Variants in SLC26A7 observed in about 807,000 individuals in gnomAD.
SLC26A7 encodes anion exchange transporter.
SLC26A7 carries 59 observed loss-of-function variants against 82.5 expected under a neutral mutation model. That is an observed-to-expected ratio of 0.72 (90% CI 0.58 to 0.89). SLC26A7 has a LOEUF of 0.89. Among genes scored for constraint, SLC26A7 ranks in the 40% least tolerant of loss-of-function variants. The pLI is 0.00. For missense variants in SLC26A7, 820 were observed against 793.0 expected, an observed-to-expected ratio of 1.03 and a Z score of -0.41; for synonymous variants, 271 against 274.3, an observed-to-expected ratio of 0.99 and a Z score of 0.12.
At chr8:91,216,414 C>G (rs994907340) in intron 1 of SLC26A7, among the ~76,000 whole-genome samples, 5 of 152,152 alleles carry the variant, frequency 3.3e-5, no homozygotes, top group African/African-American at 1.2e-4. Context: ...AGAAACTGGA[C>G]AAAGCAAATC....
intron 5 of SLC26A7, among the ~76,000 whole-genome samples, chr8:91,325,834 G>A (rs1033289477): frequency 1.3e-5 from 2 of 152,264 alleles, no homozygotes; most frequent in Middle Eastern, 3.4e-3. Flanking sequence ...CTAGGGTTGA[G>A]GGGACCTGTG....
intron 4 of SLC26A7, among the ~76,000 whole-genome samples, chr8:91,300,744 T>C (rs1443180551): frequency 6.6e-6 from 1 of 152,238 alleles, no homozygotes; most frequent in Non-Finnish European, 1.5e-5. Context: ...GTGATTTCTC[T>C]AATCCAATTG....
intron 14 of SLC26A7, among the ~76,000 whole-genome samples, chr8:91,369,422 T>C (rs1814291468): frequency 6.6e-6 from 1 of 151,694 alleles, no homozygotes; most frequent in Non-Finnish European, 1.5e-5. Context: ...ATATGATCAG[T>C]GGTTCTCTCT....
intron 2 of SLC26A7, among the ~76,000 whole-genome samples, chr8:91,278,920 C>T (rs1811479683): frequency 6.6e-6 from 1 of 151,770 alleles, no homozygotes; most frequent in Non-Finnish European, 1.5e-5. Flanking sequence ...CCCGACCCAC[C>T]TTAGCTTCTG....
chr8:91,354,236 G>A (rs985565455), intron 11 of SLC26A7, among the ~76,000 whole-genome samples: 1 of 152,140 alleles, frequency 6.6e-6, no homozygotes, highest in Non-Finnish European at 1.5e-5. Context: ...ATAGGAGGCA[G>A]CATGTTACCA....
In SLC26A7 at chr8:91,340,495, C is replaced by G; in HGVS notation, c.970C>G (p.Leu324Val). The G allele has an allele frequency of 6.2e-7, 1 of 1,613,972 alleles. No individual in the cohort carries two copies. Among genetic ancestry groups the G allele is most frequent in the African/African-American group, 1.3e-5 (1 of 75,002 alleles). Residue 324 changes from leucine to valine, a missense_variant, in exon 8 of 19, where the codon CTG becomes GTG. By Grantham distance (32) the Leu-to-Val change is conservative. Coordinates refer to ENST00000276609, the MANE Select transcript of SLC26A7 (RefSeq NM_052832.4). Reference protein sequence around the residue: ...GVALVGYVASLALAQGSAKKF... With the variant: ...GVALVGYVASVALAQGSAKKF... ...GGCACTTGTAGGCTATGTGGCCTCA[C>G]TGGCTCTTGCTCAAGGATCTGCCAA...
chr8:91,288,930 C>T (rs1266393360), intron 2 of SLC26A7, among the ~76,000 whole-genome samples: 1 of 152,080 alleles, frequency 6.6e-6, no homozygotes, highest in Non-Finnish European at 1.5e-5. Context: ...AAGCATTAGT[C>T]CAAAAATAAT....
At chr8:91,381,069 A>T (rs1216994149) in intron 15 of SLC26A7, among the ~76,000 whole-genome samples, 4 of 152,202 alleles carry the variant, frequency 2.6e-5, no homozygotes, top group Non-Finnish European at 5.9e-5. Flanking sequence ...AATTTCATTC[A>T]TATAAACTTA....
rs549743585 is a variant in SLC26A7, at chr8:91,340,677, C to T, written c.1026+126C>T. ...AACTGTACAGCAAGAGTGGGTTGAA[C>T]AAAAAAAAAGAAAAATATCAAAATC... On this transcript the variant is annotated intron_variant, in intron 8 of 18. Transcript: ENST00000276609. 89 of 1,046,448 alleles carry T rather than the reference C, an allele frequency of 8.5e-5. No homozygotes were observed. In the South Asian group the frequency reaches 1.3e-3, roughly 16 times the overall value. The allele number at this position is 1,046,448 out of a possible 1,614,324, so 64.8% of individuals were successfully genotyped here.
chr8:91,394,299 G>A lies in SLC26A7; in HGVS notation c.1935+260G>A, dbSNP rs755015438. On this transcript the variant is annotated intron_variant, in intron 18 of 18. Coordinates refer to ENST00000276609, the MANE Select transcript of SLC26A7 (RefSeq NM_052832.4). Reference sequence around the variant, plus strand: ...AGGATTGGGTGGTTGCCTATCATTTGCAAACTGCTTACTTGTACAACAAAT... The same window carrying A: ...AGGATTGGGTGGTTGCCTATCATTTACAAACTGCTTACTTGTACAACAAAT... 10 of 1,612,260 alleles carry A rather than the reference G, an allele frequency of 6.2e-6. No homozygotes were observed. In the Admixed American group the frequency reaches 1.5e-4, roughly 24 times the overall value.
At chr8:91,317,242 A>G (rs1203660352) in intron 4 of SLC26A7, among the ~76,000 whole-genome samples, 4 of 152,026 alleles carry the variant, frequency 2.6e-5, no homozygotes, top group African/African-American at 9.7e-5. Flanking sequence ...AGTTCAATGC[A>G]CAGCTTCTAC....
intron 2 of SLC26A7, among the ~76,000 whole-genome samples, chr8:91,276,823 C>T (rs1050590730): frequency 1.3e-5 from 2 of 152,156 alleles, no homozygotes; most frequent in African/African-American, 4.8e-5. Flanking sequence ...AGAAACTTTT[C>T]GTTTTATTCC....
At chr8:91,251,936 G>C (rs1810668822) in intron 2 of SLC26A7, among the ~76,000 whole-genome samples, 1 of 152,050 alleles carries the variant, frequency 6.6e-6, no homozygotes, top group Non-Finnish European at 1.5e-5. Context: ...GCAGTTTTTA[G>C]ATTCAAAGGC....
chr8:91,385,128 C>T (rs1313805987), intron 15 of SLC26A7, among the ~76,000 whole-genome samples: 1 of 152,128 alleles, frequency 6.6e-6, no homozygotes, highest in Non-Finnish European at 1.5e-5. Context: ...TGGTTAATTT[C>T]TTTCTGAAAT....
chr8:91,332,946 T>C lies in SLC26A7; in HGVS notation c.643-1349T>C, dbSNP rs1470405085. On this transcript the variant is annotated intron_variant, in intron 5 of 18. Transcript: ENST00000276609. Reference sequence around the variant, plus strand: ...TCTAATATATTCTGTGCATTTAATATTCTGTATGAATTTGAGAACCACTAT... The same window carrying C: ...TCTAATATATTCTGTGCATTTAATACTCTGTATGAATTTGAGAACCACTAT... Among the ~76,000 whole-genome samples, 3 of 152,202 alleles carry C rather than the reference T, an allele frequency of 2.0e-5. No homozygotes were observed. The East Asian group carries it at 5.8e-4, about 29-fold the overall frequency.
chr8:91,298,954 G>A (rs1812088651), intron 4 of SLC26A7, among the ~76,000 whole-genome samples: 1 of 152,160 alleles, frequency 6.6e-6, no homozygotes. Context: ...CCATAGCAGT[G>A]TATGAGAGTG....
At chr8:91,389,494 G>GT in intron 16 of SLC26A7, 56 bp downstream of exon 16, 1 of 1,208,878 alleles carries the variant, frequency 8.3e-7, no homozygotes, top group Non-Finnish European at 1.2e-6. Flanking sequence ...AGTAACAGGG[G>GT]TTTTCACCAC....
intron 15 of SLC26A7, among the ~76,000 whole-genome samples, chr8:91,374,983 C>T (rs541989613): frequency 5.3e-5 from 8 of 151,762 alleles, no homozygotes; most frequent in African/African-American, 1.9e-4. Flanking sequence ...TATATAAGGC[C>T]CTTCTTTGTC....
chr8:91,283,863 C>G (rs1811640767), intron 2 of SLC26A7, among the ~76,000 whole-genome samples: 1 of 152,066 alleles, frequency 6.6e-6, no homozygotes, highest in South Asian at 2.1e-4. Context: ...AGTGGTAAGA[C>G]TTATTAGGAC....
Sources: gnomAD v4.1 joint callset for allele counts (sites outside exome capture counted in the v4.1 genomes callset) on GRCh38, gnomAD v4.1.1 for gene constraint, MANE v1.5 for transcripts, NCBI Gene and HGNC (gene_info 2026-07-23, HGNC 2026-07-21) for gene names.